KIFC3: variants seen among roughly 807,000 people sequenced by gnomAD.
KIFC3 encodes the protein kinesin family member C3.
In KIFC3, 60 loss-of-function variants were observed where a neutral mutation model predicts 101.8. The ratio of observed to expected loss-of-function variants is 0.59; its 90% confidence interval spans 0.48 to 0.73. The LOEUF (loss-of-function observed/expected upper bound fraction) is 0.73. KIFC3 is among the 30% of genes least tolerant of loss of function. The pLI is 0.00. For synonymous variants in KIFC3, 476 were observed against 482.7 expected (o/e 0.99, Z 0.18); for missense variants, 966 against 1,137.1 (o/e 0.85, Z 2.16).
chr16:57,797,822 T>C, intron 2 of KIFC3: 1 of 1,412,704 alleles, frequency 7.1e-7, no homozygotes, highest in South Asian at 1.5e-5. Flanking sequence ...CCCCCTGCTC[T>C]GTGCCCGACC....
chr16:57,761,126 G>C lies in KIFC3; in HGVS notation c.1918C>G (p.Leu640Val), dbSNP rs782189396. The change falls in exon 15 of 20, where the codon CTG becomes GTG. Residue 640 changes from leucine (L) to valine (V), a missense_variant. Leu to Val is a conservative substitution (Grantham distance 32). Transcript: ENST00000445690. ...HTNRTTEFTN[L>V]NEHSSRSHAL... is the part of the protein sequence containing the mutation. ...TGCGAGCGGGAGCTGTGCTCGTTCA[G>C]GTTGGTGAACTCGGTCGTGCGATTA... The C allele has an allele frequency of 2.5e-6, 4 of 1,614,036 alleles. No individual in the cohort carries two copies. The highest frequency in any genetic ancestry group is 1.1e-5 in the South Asian group (1 of 91,084).
chr16:57,809,467 A>G (rs2055015838), intron 1 of KIFC3, among the ~76,000 whole-genome samples: 3 of 152,132 alleles, frequency 2.0e-5, no homozygotes, highest in Non-Finnish European at 4.4e-5. Context: ...GCAAAAAACT[A>G]TTTTAAATGG....
At chr16:57,767,805 T>C (rs2050657733) in intron 9 of KIFC3, among the ~76,000 whole-genome samples, 1 of 152,100 alleles carries the variant, frequency 6.6e-6, no homozygotes, top group South Asian at 2.1e-4. Context: ...CCCGAGTAGC[T>C]GGGACTACAG....
intron 18 of KIFC3, 56 bp downstream of exon 18, chr16:57,759,672 C>G: frequency 7.5e-7 from 1 of 1,334,476 alleles, no homozygotes; most frequent in East Asian, 2.4e-5. Context: ...GTAAGGGCAG[C>G]CTGGTGACTA....
intron 3 of KIFC3, among the ~76,000 whole-genome samples, chr16:57,788,140 G>A (rs1341744082): frequency 1.3e-5 from 2 of 152,224 alleles, no homozygotes; most frequent in Non-Finnish European, 2.9e-5. Context: ...CTCTGGCCAG[G>A]AGAATCAAAG....
chr16:57,861,693 C>A (rs1959282782), intron 1 of KIFC3, among the ~76,000 whole-genome samples: 1 of 152,144 alleles, frequency 6.6e-6, no homozygotes, highest in Non-Finnish European at 1.5e-5. Flanking sequence ...CGCGGTAGCT[C>A]ACACCTGTAA....
At position 57,814,219 on chromosome 16, in the gene KIFC3, C is replaced by T. The variant is rs188273496; in HGVS notation, c.109-15937G>A. On this transcript the variant is annotated intron_variant, in intron 1 of 2. Coordinates refer to the KIFC3 transcript ENST00000563028. ...ATATGCTCCACCCACACCCCCATAT[C>T]CCCACCTGCAGCCGTTTACCTGTGA... Among the ~76,000 whole-genome samples the T allele has an allele frequency of 5.4e-3, 815 of 152,260 alleles. 10 individuals are homozygous for T. The highest frequency in any genetic ancestry group is 4.9e-3 in the Non-Finnish European group (332 of 68,030).
intron 1 of KIFC3, among the ~76,000 whole-genome samples, chr16:57,851,897 A>C (rs760334211): frequency 7.9e-5 from 12 of 151,800 alleles, no homozygotes; most frequent in Admixed American, 2.0e-4. Context: ...GTACCACCAC[A>C]CTGGCTAATT....
At chr16:57,845,946 T>C (rs926171602) in intron 1 of KIFC3, among the ~76,000 whole-genome samples, 3 of 152,144 alleles carry the variant, frequency 2.0e-5, no homozygotes, top group Non-Finnish European at 4.4e-5. Context: ...CTTTAAGATT[T>C]GTGAAAGGAA....
chr16:57,770,729 G>A, intron 6 of KIFC3, 29 bp from the exon 7 acceptor site: 1 of 1,410,784 alleles, frequency 7.1e-7, no homozygotes, highest in African/African-American at 1.4e-5. Flanking sequence ...ATGGCACGTG[G>A]AGCCAGCGGG....
Position 57,795,119 on chromosome 16 carries a change from G to T in KIFC3, c.195C>A (p.Val65=). 6.2e-7 allele frequency: 1 copy of T among 1,611,666 alleles called. No homozygotes were observed. The highest frequency in any genetic ancestry group is 8.5e-7 in the Non-Finnish European group (1 of 1,179,054). Residue 65 remains valine (V), a synonymous_variant, in exon 3 of 20, where the codon GTC becomes GTA. Coordinates refer to ENST00000445690, the MANE Select transcript of KIFC3 (RefSeq NM_001130100.2). Reference sequence around the variant, plus strand: ...GGGCACTGGAGTCCTCGTCACCGCAGACTGGGGTATCTTTTCCACGCCCTG... The same window carrying T: ...GGGCACTGGAGTCCTCGTCACCGCATACTGGGGTATCTTTTCCACGCCCTG... The part of the protein sequence containing the change: ...LRTGRGKDTP[V]CGDEDSSARS...
upstream of KIFC3, chr16:57,803,085 G>C (rs782223867): frequency 6.7e-7 from 1 of 1,499,676 alleles, no homozygotes; most frequent in Non-Finnish European, 9.0e-7. Flanking sequence ...CCGCCTTCTA[G>C]CCACAGCACT....
At chr16:57,799,503 G>A (rs2054585524) in intron 1 of KIFC3, among the ~76,000 whole-genome samples, 1 of 152,192 alleles carries the variant, frequency 6.6e-6, no homozygotes, top group Admixed American at 6.5e-5. Context: ...ACACATTCAT[G>A]TTTGCAGCCC....
At chr16:57,844,476 G>A (rs2055877077) in intron 1 of KIFC3, among the ~76,000 whole-genome samples, 1 of 150,596 alleles carries the variant, frequency 6.6e-6, no homozygotes. Flanking sequence ...CTATTGGCAA[G>A]GTCTGGTGAA....
intron 3 of KIFC3, chr16:57,774,926 C>G: frequency 6.8e-7 from 1 of 1,473,910 alleles, no homozygotes; most frequent in Admixed American, 2.5e-5. Flanking sequence ...TCCTTCCACG[C>G]CCCCTCCCTC....
chr16:57,760,071 C>T, intron 17 of KIFC3: 1 of 649,944 alleles, frequency 1.5e-6, no homozygotes, highest in Non-Finnish European at 2.6e-6. Flanking sequence ...CCACGGCCAG[C>T]TCGTCACCCC....
Position 57,762,280 on chromosome 16 carries a change from G to A in KIFC3, c.1618-10C>T. On this transcript the variant is annotated splice_polypyrimidine_tract_variant and intron_variant, in intron 12 of 19. Transcript: ENST00000445690. The stretch of plus-strand genomic sequence containing the variant: ...GGTTCTCAGCGGTCCCCTGGGGACA[G>A]AAGGAAAGGCCCCAGTAAGCCAGGC... The A allele has an allele frequency of 6.5e-7, 1 of 1,536,558 alleles. No homozygotes were observed. The highest frequency in any genetic ancestry group is 8.8e-7 in the Non-Finnish European group (1 of 1,137,816).
intron 3 of KIFC3, among the ~76,000 whole-genome samples, chr16:57,789,076 C>T (rs553887445): frequency 1.3e-5 from 2 of 152,332 alleles, no homozygotes; most frequent in South Asian, 2.1e-4. Context: ...CACAGGCAAC[C>T]GTCCAGTCCC....
intron 3 of KIFC3, among the ~76,000 whole-genome samples, chr16:57,781,144 T>C (rs928554710): frequency 2.0e-5 from 3 of 152,054 alleles, no homozygotes. Flanking sequence ...ATAGCAAGAC[T>C]CCGTCTGGAC....
Sources: gnomAD v4.1 joint callset for allele counts (sites outside exome capture counted in the v4.1 genomes callset) on GRCh38, gnomAD v4.1.1 for gene constraint, MANE v1.5 for transcripts, NCBI Gene and HGNC (gene_info 2026-07-23, HGNC 2026-07-21) for gene names.